The following NELFB variants were observed in gnomAD, a reference collection of about 807,000 sequenced individuals.
NELFB encodes negative elongation factor complex member B.
In NELFB, 34 loss-of-function variants were observed where a neutral mutation model predicts 60.2. The observed-to-expected ratio is 0.56, with a 90% CI of 0.43 to 0.75. NELFB has a LOEUF of 0.75. Ranked by LOEUF, NELFB falls within the 30% of genes least tolerant of loss-of-function variation. The pLI, the probability that NELFB is intolerant of heterozygous loss-of-function variation, is 0.00. For missense variants in NELFB, 770 were observed against 831.6 expected, an observed-to-expected ratio of 0.93 and a Z score of 0.91; for synonymous variants, 459 against 382.1, an observed-to-expected ratio of 1.20 and a Z score of -2.35.
intron 1 of NELFB, 29 bp downstream of exon 1, chr9:137,255,640 C>T (rs1837538511): frequency 1.3e-6 from 2 of 1,530,880 alleles, no homozygotes; most frequent in Admixed American, 2.2e-5. Flanking sequence ...CGGGGGGAGC[C>T]CAGTTGGAGG....
chr9:137,264,794 G>A (rs943322701), intron 6 of NELFB, among the ~76,000 whole-genome samples: 2 of 152,166 alleles, frequency 1.3e-5, no homozygotes, highest in East Asian at 1.9e-4. Context: ...GAGCTATGCC[G>A]GGCACTGCTG....
At chr9:137,270,785 G>A (rs1427703524) in intron 10 of NELFB, among the ~76,000 whole-genome samples, 1 of 152,112 alleles carries the variant, frequency 6.6e-6, no homozygotes, top group Non-Finnish European at 1.5e-5. Context: ...GCCCGGCGCG[G>A]TGGCGCACGC....
chr9:137,255,511 T>C lies in NELFB; in HGVS notation c.146T>C (p.Met49Thr). 5 of 1,534,366 alleles carry C rather than the reference T, an allele frequency of 3.3e-6. No homozygotes were observed. The highest frequency in any genetic ancestry group is 4.4e-6 in the Non-Finnish European group (5 of 1,141,486). The change falls in exon 1 of 13, where the codon ATG becomes ACG. Residue 49 changes from methionine (M) to threonine (T), a missense_variant. Coordinates refer to ENST00000343053, the MANE Select transcript of NELFB (RefSeq NM_015456.5). ...CGGGCGGTGGCCGGGGCCTCGGCCATGTTCGCGGGGCTGCAGGACCTGGGC... is the reference window on the plus strand; with the variant it reads ...CGGGCGGTGGCCGGGGCCTCGGCCACGTTCGCGGGGCTGCAGGACCTGGGC...
chr9:137,257,290 G>A (rs542077350), intron 4 of NELFB, among the ~76,000 whole-genome samples: 32 of 152,328 alleles, frequency 2.1e-4, no homozygotes, highest in Admixed American at 1.8e-3. Context: ...TAAAATCTGC[G>A]GAAAGCCCGC....
At chr9:137,259,312 CAGTT>C (rs1830392003) in intron 4 of NELFB, among the ~76,000 whole-genome samples, 1 of 152,224 alleles carries the variant, frequency 6.6e-6, no homozygotes, top group Non-Finnish European at 1.5e-5. Flanking sequence ...AAACGCTGAG[CAGTT>C]AGTGTGGCTC....
At position 137,272,175 on chromosome 9, in the gene NELFB, C is replaced by T. The variant is rs1446026499; in HGVS notation, c.1584C>T (p.Asp528=). The change falls in exon 11 of 13, where the codon GAC becomes GAT. Residue 528 remains aspartate, a synonymous_variant. Coordinates refer to ENST00000343053, the MANE Select transcript of NELFB (RefSeq NM_015456.5). The stretch of plus-strand genomic sequence containing the variant: ...TGGCCGACGAATTTGCCCTTGAGGA[C>T]TTCTGCAGCAGCCTCTTCGATGGCT... The T allele has an allele frequency of 5.0e-6, 8 of 1,614,214 alleles. No homozygotes were observed. The highest frequency in any genetic ancestry group is 4.2e-6 in the Non-Finnish European group (5 of 1,180,038).
chr9:137,256,950 C>T lies in NELFB; in HGVS notation c.637C>T (p.Leu213=). The stretch of plus-strand genomic sequence containing the variant: ...CTTCGGGGACGAGGTTTCCCCACTC[C>T]TGAAGCAGTACATCCTGGAGAAGGA... The change falls in exon 4 of 13, where the codon CTG becomes TTG. Residue 213 remains leucine (L), a synonymous_variant. Transcript: ENST00000343053. The T allele has an allele frequency of 6.2e-7, 1 of 1,614,212 alleles. No individual in the cohort carries two copies. The highest frequency in any genetic ancestry group is 8.5e-7 in the Non-Finnish European group (1 of 1,180,048).
At chr9:137,267,532 G>A (rs1022370937) in intron 10 of NELFB, among the ~76,000 whole-genome samples, 186 bp downstream of exon 10, 5 of 140,884 alleles carry the variant, frequency 3.5e-5, no homozygotes, top group Non-Finnish European at 6.0e-5. Context: ...TTGCTCTGTC[G>A]CCCAGGCTGG....
rs775615741 is a variant in NELFB, at chr9:137,265,882, T to C, written c.1046T>C (p.Leu349Pro). The change falls in exon 7 of 13, where the codon CTG (leucine) becomes CCG (proline). Residue 349 changes from leucine to proline, a missense_variant. By Grantham distance (98) the Leu-to-Pro change is moderately conservative. Coordinates refer to ENST00000343053, the MANE Select transcript of NELFB (RefSeq NM_015456.5). ...CCAGGGCGGCCTCCTTCCAGGGACC[T>C]GTCCATGATCCTGTGTGACCCCTTC... 6.2e-7 allele frequency: 1 copy of C among 1,611,684 alleles called. No homozygotes were observed. Among genetic ancestry groups the C allele is most frequent in the South Asian group, 1.1e-5 (1 of 91,068 alleles).
chr9:137,263,590 A>G (rs917885135), intron 5 of NELFB, among the ~76,000 whole-genome samples: 2 of 149,350 alleles, frequency 1.3e-5, no homozygotes, highest in African/African-American at 5.0e-5. Context: ...CTTCTCTCCC[A>G]TGCCTGTTTC....
chr9:137,270,949 C>T (rs1480281310), intron 10 of NELFB, among the ~76,000 whole-genome samples: 4 of 152,238 alleles, frequency 2.6e-5, no homozygotes, highest in Admixed American at 6.5e-5. Context: ...CCACGGACCA[C>T]GGGCCACTGT....
At chr9:137,267,383 C>T (rs2118987259) in intron 10 of NELFB, 37 bp downstream of exon 10, 1 of 1,552,308 alleles carries the variant, frequency 6.4e-7, no homozygotes, top group Non-Finnish European at 8.7e-7. Flanking sequence ...TGTGTCTTCC[C>T]TGCGGCAGCT....
intron 6 of NELFB, among the ~76,000 whole-genome samples, chr9:137,265,516 GTAGC>G (rs1363285567): frequency 6.7e-6 from 1 of 148,914 alleles, no homozygotes; most frequent in African/African-American, 2.5e-5. Flanking sequence ...AGCCTCCCGA[GTAGC>G]TGGGACCACA....
intron 12 of NELFB, 67 bp from the exon 13 acceptor site, chr9:137,272,715 C>T (rs761100233): frequency 2.6e-6 from 4 of 1,520,190 alleles, no homozygotes; most frequent in Middle Eastern, 1.7e-4. Flanking sequence ...GGTCGGTGGG[C>T]ACCCACCCCT....
rs184886861 is a variant in NELFB at position 137,271,166 on chromosome 9, C to T, written c.1490-915C>T. Among the ~76,000 whole-genome samples, 13 of 152,362 alleles carry T rather than the reference C, an allele frequency of 8.5e-5. No individual in the cohort carries two copies. In the East Asian group the frequency reaches 2.5e-3, roughly 29 times the overall value. On this transcript the variant is annotated intron_variant, in intron 10 of 12. Transcript: ENST00000343053. Reference sequence around the variant, plus strand: ...CCCAGTGGGGCCTTGCTGCTGGATCCCCTGGTCGGGACTGTGTGCCTGCCA... The same window carrying T: ...CCCAGTGGGGCCTTGCTGCTGGATCTCCTGGTCGGGACTGTGTGCCTGCCA...
In NELFB at chr9:137,263,027, C is replaced by G. The variant is rs1369858799; in HGVS notation, c.742-10C>G. The G allele has an allele frequency of 6.2e-7, 1 of 1,608,766 alleles. No homozygotes were observed. The highest frequency in any genetic ancestry group is 1.1e-5 in the South Asian group (1 of 90,970). On this transcript the variant is annotated splice_polypyrimidine_tract_variant and intron_variant, in intron 4 of 12. Transcript: ENST00000343053. Reference sequence around the variant, plus strand: ...ACGGTCTGGGGGCCTGACAGTGCCTCTTGCTGCAGGTGGTGCAGCGGCTGA... The same window carrying G: ...ACGGTCTGGGGGCCTGACAGTGCCTGTTGCTGCAGGTGGTGCAGCGGCTGA...
intron 7 of NELFB, 72 bp downstream of exon 7, chr9:137,266,051 T>G: frequency 1.6e-6 from 2 of 1,235,484 alleles, no homozygotes; most frequent in South Asian, 1.2e-5. Flanking sequence ...GTGGTCAGGG[T>G]GTGGACAGCA....
Position 137,268,367 on chromosome 9 carries a change from C to T in NELFB, c.1489+1021C>T, listed in dbSNP as rs1247311110. 4.6e-5 allele frequency among the ~76,000 whole-genome samples: 7 copies of T among 152,214 alleles called. No homozygotes were observed. The South Asian group carries it at 8.3e-4, about 18-fold the overall frequency. The stretch of plus-strand genomic sequence containing the variant: ...TTGGGAGGCTGAGGCGGGCGGATCA[C>T]GAGGTCAGGAGTTCGAGACCAGTCT... On this transcript the variant is annotated intron_variant, in intron 10 of 12. Coordinates refer to ENST00000343053, the MANE Select transcript of NELFB (RefSeq NM_015456.5).
At position 137,255,397 on chromosome 9, in the gene NELFB, G is replaced by T; in HGVS notation, c.32G>T (p.Gly11Val). The T allele has an allele frequency of 1.2e-6, 1 of 842,440 alleles. No individual in the cohort carries two copies. Among genetic ancestry groups the T allele is most frequent in the Non-Finnish European group, 1.6e-6 (1 of 612,322 alleles). The allele number at this position is 842,440 out of a possible 1,614,324, so 52.2% of individuals were successfully genotyped here. ...GAGCTGGAGGGCGCCGGGGAGCGGG[G>T]CTCGGGCGGTCCCCGAGGCCCGGCG... The change falls in exon 1 of 13, where the codon GGC (glycine) becomes GTC (valine). Residue 11 changes from glycine to valine, a missense_variant. By Grantham distance (109) the Gly-to-Val change is moderately radical. Transcript: ENST00000343053.
Sources: gnomAD v4.1 joint callset for allele counts (sites outside exome capture counted in the v4.1 genomes callset) on GRCh38, gnomAD v4.1.1 for gene constraint, MANE v1.5 for transcripts, NCBI Gene and HGNC (gene_info 2026-07-23, HGNC 2026-07-21) for gene names.